The following ELP2 variants were observed in gnomAD, a reference collection of about 807,000 sequenced individuals.
ELP2 encodes the protein elongator acetyltransferase complex subunit 2.
ELP2 carries 90 observed loss-of-function variants against 119.2 expected under a neutral mutation model. That is an observed-to-expected ratio of 0.75 (90% CI 0.64 to 0.90). The LOEUF is 0.90. Among genes scored for constraint, ELP2 ranks in the 40% least tolerant of loss-of-function variants. The pLI is 0.00. For synonymous variants in ELP2, 339 were observed against 331.0 expected (o/e 1.02, Z -0.26); for missense variants, 921 against 967.8 (o/e 0.95, Z 0.64).
chr18:36,161,563 G>A (rs2090742911), intron 17 of ELP2, among the ~76,000 whole-genome samples: 1 of 152,140 alleles, frequency 6.6e-6, no homozygotes, highest in African/African-American at 2.4e-5. Flanking sequence ...GCATTTACCT[G>A]GAAGGATGGT....
intron 17 of ELP2, among the ~76,000 whole-genome samples, chr18:36,162,271 T>TA: frequency 6.7e-6 from 1 of 149,770 alleles, no homozygotes; most frequent in East Asian, 1.9e-4. Flanking sequence ...TTTGTCATGA[T>TA]AGAGTAGTTT....
At chr18:36,151,015 G>C (rs1420821948) in intron 11 of ELP2, among the ~76,000 whole-genome samples, 1 of 151,378 alleles carries the variant, frequency 6.6e-6, no homozygotes, top group Non-Finnish European at 1.5e-5. Context: ...CCTTTTGTCA[G>C]TAGTTTCCCC....
At chr18:36,130,259 G>T (rs2144536033) in intron 1 of ELP2, among the ~76,000 whole-genome samples, 188 bp downstream of exon 1, 1 of 152,266 alleles carries the variant, frequency 6.6e-6, no homozygotes, top group South Asian at 2.1e-4. Flanking sequence ...ACCCTTTGCC[G>T]TCTCACGCGT....
In ELP2 at chr18:36,171,118, C is replaced by T. The variant is rs2091068854; in HGVS notation, c.2282C>T (p.Pro761Leu). 6.2e-7 allele frequency: 1 copy of T among 1,614,032 alleles called. No homozygotes were observed. The highest frequency in any genetic ancestry group is 8.5e-7 in the Non-Finnish European group (1 of 1,179,894). Residue 761 changes from proline (P) to leucine (L), a missense_variant, in exon 21 of 22, where the codon CCA becomes CTA. By Grantham distance (98) the Pro-to-Leu change is moderately conservative. Coordinates refer to ENST00000358232, the MANE Select transcript of ELP2 (RefSeq NM_018255.4). ...LYTWKKTDQV[P>L]EINDWTHCVE... ...ACCTGGAAAAAGACTGATCAAGTTCCAGAAATAAATGACTGGACCCACTGT... is the reference window on the plus strand; with the variant it reads ...ACCTGGAAAAAGACTGATCAAGTTCTAGAAATAAATGACTGGACCCACTGT...
In ELP2 at chr18:36,129,925, G is replaced by A; in HGVS notation, c.-9G>A. The A allele has an allele frequency of 6.2e-7, 1 of 1,614,248 alleles. No homozygotes were observed. Among genetic ancestry groups the A allele is most frequent in the Non-Finnish European group, 8.5e-7 (1 of 1,180,046 alleles). On this transcript the variant is annotated 5_prime_UTR_variant, in exon 1 of 22. Coordinates refer to ENST00000358232, the MANE Select transcript of ELP2 (RefSeq NM_018255.4). ...CGTCTCTTGTTTGTGCGGCTGACCAGTTGGCGACATGGTGGCACCCGTGCT... is the reference window on the plus strand; with the variant it reads ...CGTCTCTTGTTTGTGCGGCTGACCAATTGGCGACATGGTGGCACCCGTGCT...
chr18:36,156,575 G>T lies in ELP2; in HGVS notation c.1385G>T (p.Arg462Leu), dbSNP rs371310428. 3 of 1,614,014 alleles carry T rather than the reference G, an allele frequency of 1.9e-6. No homozygotes were observed. The highest frequency in any genetic ancestry group is 2.5e-6 in the Non-Finnish European group (3 of 1,179,988). The stretch of plus-strand genomic sequence containing the variant: ...TCTGGAGCAGATGAAAAAGTTCTTC[G>T]GGTTTTTTCTGCACCTCGGAATTTT... ...FVSGADEKVL[R>L]VFSAPRNFVE... Residue 462 changes from arginine (R) to leucine (L), a missense_variant, in exon 13 of 22, where the codon CGG (arginine) becomes CTG (leucine). Coordinates refer to ENST00000358232, the MANE Select transcript of ELP2 (RefSeq NM_018255.4).
chr18:36,144,441 A>G (rs1598759739), intron 8 of ELP2, among the ~76,000 whole-genome samples: 1 of 152,190 alleles, frequency 6.6e-6, no homozygotes, highest in African/African-American at 2.4e-5. Context: ...AATTAATAGC[A>G]GAAGGGGAAG....
In ELP2 at chr18:36,176,925, A is replaced by G. The variant is rs2091235644; in HGVS notation, c.*2284A>G. 6.6e-6 allele frequency: 1 copy of G among 152,140 alleles called. No homozygotes were observed. Among genetic ancestry groups the G allele is most frequent in the Non-Finnish European group, 1.5e-5 (1 of 68,030 alleles). The allele number at this position is 152,140 out of a possible 1,614,324, so 9.4% of individuals were successfully genotyped here. ...TCTTAATTAAAATGACATCACCAAC[A>G]ATGGGCCCTTTCCTGTCTGCCAGGA... On this transcript the variant is annotated 3_prime_UTR_variant, in exon 22 of 22. Transcript: ENST00000358232.
chr18:36,149,397 A>G (rs2090313809), intron 11 of ELP2, among the ~76,000 whole-genome samples: 1 of 152,030 alleles, frequency 6.6e-6, no homozygotes, highest in African/African-American at 2.4e-5. Flanking sequence ...AGATGGGGTG[A>G]AGGTACAACC....
chr18:36,179,370 G>A lies in ELP2; in HGVS notation c.*4729G>A, dbSNP rs2091287547. 6.6e-6 allele frequency: 1 copy of A among 150,608 alleles called. No individual in the cohort carries two copies. The highest frequency in any genetic ancestry group is 1.5e-5 in the Non-Finnish European group (1 of 67,904). 9.3% of individuals were successfully genotyped at this position (150,608 alleles called of 1,614,324 possible). The stretch of plus-strand genomic sequence containing the variant: ...CGCCTGTAATCCCAGATGTTCCAGA[G>A]GCTGAGGCAGGAGAACCGCTTGAAC... On this transcript the variant is annotated 3_prime_UTR_variant, in exon 22 of 22. Coordinates refer to ENST00000358232, the MANE Select transcript of ELP2 (RefSeq NM_018255.4).
intron 19 of ELP2, among the ~76,000 whole-genome samples, chr18:36,169,496 C>CTAGGTT: frequency 6.6e-6 from 1 of 151,856 alleles, no homozygotes; most frequent in Non-Finnish European, 1.5e-5. Context: ...AAGCGATTCT[C>CTAGGTT]CTGCCTTAGC....
chr18:36,171,242 A>C, intron 21 of ELP2, 82 bp downstream of exon 21: 1 of 881,262 alleles, frequency 1.1e-6, no homozygotes, highest in Non-Finnish European at 1.9e-6. Context: ...CCACATTTTC[A>C]TGGAGAGGGA....
At chr18:36,141,394 T>A (rs991224000) in intron 6 of ELP2, 193 bp downstream of exon 6, 4 of 598,332 alleles carry the variant, frequency 6.7e-6, no homozygotes, top group African/African-American at 3.7e-5. Context: ...GCCTTGACCA[T>A]CAGGCTCAGA....
At position 36,138,326 on chromosome 18, in the gene ELP2, T is replaced by C. The variant is rs1221968139; in HGVS notation, c.345T>C (p.Ala115=). The C allele has an allele frequency of 6.2e-7, 1 of 1,614,174 alleles. No homozygotes were observed. The highest frequency in any genetic ancestry group is 8.5e-7 in the Non-Finnish European group (1 of 1,180,010). ...AAGGACCTGTTTATGCGGTGCATGCTGTTTACCAGAGGAGGACATCAGATC... is the reference window on the plus strand; with the variant it reads ...AAGGACCTGTTTATGCGGTGCATGCCGTTTACCAGAGGAGGACATCAGATC... ...GHEGPVYAVH[A]VYQRRTSDPA... The change falls in exon 4 of 22, where the codon GCT becomes GCC. Residue 115 remains alanine (A), a synonymous_variant. Coordinates refer to ENST00000358232, the MANE Select transcript of ELP2 (RefSeq NM_018255.4).
At chr18:36,160,210 A>G (rs2090692548) in intron 16 of ELP2, among the ~76,000 whole-genome samples, 195 bp downstream of exon 16, 1 of 151,978 alleles carries the variant, frequency 6.6e-6, no homozygotes, top group African/African-American at 2.4e-5. Flanking sequence ...ACTGTTTATT[A>G]TGTTCATTAG....
At chr18:36,167,925 CT>C (rs932181134) in intron 19 of ELP2, among the ~76,000 whole-genome samples, 23 of 152,192 alleles carry the variant, frequency 1.5e-4, no homozygotes, top group African/African-American at 4.8e-4. Context: ...AGTCCTCCCA[CT>C]TTGGCCTCCC....
chr18:36,174,474 C>T lies in ELP2; in HGVS notation c.2325-11C>T. 6.2e-7 allele frequency: 1 copy of T among 1,613,042 alleles called. No homozygotes were observed. The highest frequency in any genetic ancestry group is 1.1e-5 in the South Asian group (1 of 90,976). On this transcript the variant is annotated splice_polypyrimidine_tract_variant and intron_variant, in intron 21 of 21. Transcript: ENST00000358232. The stretch of plus-strand genomic sequence containing the variant: ...GAAAAACATTTCATGATTTCTCTAT[C>T]TTTGTTTTAGCCAAAGTCATACACT...
At chr18:36,160,891 A>T in intron 16 of ELP2, 41 bp from the exon 17 acceptor site, 1 of 1,324,522 alleles carries the variant, frequency 7.5e-7, no homozygotes, top group Non-Finnish European at 1.1e-6. Context: ...ATGAGAATAG[A>T]TTCATTTGCT....
chr18:36,133,439 A>G (rs2089707454), intron 2 of ELP2, 123 bp downstream of exon 2: 6 of 734,970 alleles, frequency 8.2e-6, no homozygotes, highest in Non-Finnish European at 2.4e-6. Context: ...GCAATTGGAG[A>G]AACAAGAAAA....
Sources: gnomAD v4.1 joint callset for allele counts (sites outside exome capture counted in the v4.1 genomes callset) on GRCh38, gnomAD v4.1.1 for gene constraint, MANE v1.5 for transcripts, NCBI Gene and HGNC (gene_info 2026-07-23, HGNC 2026-07-21) for gene names.